The following SEMA6A variants were observed in gnomAD, a reference collection of about 807,000 sequenced individuals.
SEMA6A encodes semaphorin 6A.
In SEMA6A, 25 loss-of-function variants were observed where a neutral mutation model predicts 96.8. That is an observed-to-expected ratio of 0.26 (90% CI 0.19 to 0.36). SEMA6A has a LOEUF of 0.36. SEMA6A is among the 10% of genes least tolerant of loss of function. The probability of loss-of-function intolerance (pLI) is 1.00; values close to 1 mark genes in which losing one functional copy is unlikely to be tolerated. For synonymous variants in SEMA6A, 612 were observed against 518.0 expected, an observed-to-expected ratio of 1.18 and a Z score of -2.46; for missense variants, 1,363 against 1,323.1, an observed-to-expected ratio of 1.03 and a Z score of -0.47.
At chr5:116,452,268 A>G (rs1181501254) in intron 18 of SEMA6A, among the ~76,000 whole-genome samples, 3 of 152,226 alleles carry the variant, frequency 2.0e-5, no homozygotes, top group Non-Finnish European at 4.4e-5. Flanking sequence ...GCATTGATTC[A>G]TTAACCACCA....
At position 116,446,607 on chromosome 5, in the gene SEMA6A, C is replaced by A; in HGVS notation, c.*6G>T. ...TGGTTCGACACCTGACCCCCTCCCC[C>A]TGGGATTATGTACACGCATCATTGG... On this transcript the variant is annotated 3_prime_UTR_variant, in exon 19 of 19. Coordinates refer to ENST00000343348, the MANE Select transcript of SEMA6A (RefSeq NM_020796.5). 6.8e-7 allele frequency: 1 copy of A among 1,473,324 alleles called. No individual in the cohort carries two copies. Among genetic ancestry groups the A allele is most frequent in the Non-Finnish European group, 9.0e-7 (1 of 1,109,970 alleles). The allele number at this position is 1,473,324 out of a possible 1,614,324, so 91.3% of individuals were successfully genotyped here. A position where few individuals can be genotyped will look rare whatever the true frequency, so the allele number is the denominator to read the frequency against.
chr5:116,480,048 T>G, intron 12 of SEMA6A, 74 bp downstream of exon 12: 1 of 1,533,676 alleles, frequency 6.5e-7, no homozygotes, highest in Non-Finnish European at 8.9e-7. Flanking sequence ...TTTCAAAGCA[T>G]GATCCACTGA....
chr5:116,457,841 A>AGG (rs1755112984), intron 18 of SEMA6A, among the ~76,000 whole-genome samples: 2 of 152,152 alleles, frequency 1.3e-5, no homozygotes, highest in Admixed American at 6.6e-5. Context: ...GAGTTTATCT[A>AGG]TTACTTGCAT....
At chr5:116,533,123 A>C (rs950549974) in intron 1 of SEMA6A, among the ~76,000 whole-genome samples, 6 of 152,206 alleles carry the variant, frequency 3.9e-5, no homozygotes, top group Non-Finnish European at 7.4e-5. Flanking sequence ...TGTTAATTCA[A>C]ACTATGCAAA....
In SEMA6A at chr5:116,547,557, C is replaced by G. The variant is rs186056579; in HGVS notation, c.-39+26628G>C. On this transcript the variant is annotated intron_variant, in intron 1 of 18. Transcript: ENST00000343348. ...TTTTTAACTATTTCATTAATATTCT[C>G]TAAGTAACGTACTGGTTAAAGGCCT... Among the ~76,000 whole-genome samples, 380 of 147,086 alleles carry G rather than the reference C, an allele frequency of 2.6e-3. 1 individual carries two copies. Among genetic ancestry groups the G allele is most frequent in the African/African-American group, 9.2e-3 (365 of 39,488 alleles).
intron 3 of SEMA6A, chr5:116,498,817 C>G (rs1284417900): frequency 3.3e-5 from 5 of 152,126 alleles, no homozygotes; most frequent in Non-Finnish European, 5.9e-5. Context: ...TGAGATGACT[C>G]GAGGCTTTTC....
chr5:116,480,119 C>T lies in SEMA6A; in HGVS notation c.1250+3G>A. On this transcript the variant is annotated splice_donor_region_variant and intron_variant, in intron 12 of 18. Transcript: ENST00000343348. ...ATCAGGACACGGTTTGTTTGACACC[C>T]ACCTGACCATTGTTCTCAGGAACCA... The T allele has an allele frequency of 1.9e-6, 3 of 1,613,614 alleles. No individual in the cohort carries two copies. In the South Asian group the frequency reaches 3.3e-5, roughly 18 times the overall value.
chr5:116,498,314 C>T (rs1757702976), intron 3 of SEMA6A: 1 of 152,104 alleles, frequency 6.6e-6, no homozygotes, highest in African/African-American at 2.4e-5. Flanking sequence ...AAACCAGGAC[C>T]TCGTCTCCCA....
intron 18 of SEMA6A, chr5:116,449,291 A>G: frequency 1.4e-6 from 1 of 702,312 alleles, no homozygotes; most frequent in Non-Finnish European, 2.6e-6. Flanking sequence ...CCTATTATGG[A>G]AATGATAGCA....
At position 116,502,339 on chromosome 5, in the gene SEMA6A, G is replaced by A. The variant is rs763587821; in HGVS notation, c.101-12C>T. ...ATACTGTTTTGTATCTGTGAAAAGAGGAGATGGGGCAAGAAAGGAAAAGCA... is the reference window on the plus strand; with the variant it reads ...ATACTGTTTTGTATCTGTGAAAAGAAGAGATGGGGCAAGAAAGGAAAAGCA... On this transcript the variant is annotated splice_polypyrimidine_tract_variant and intron_variant, in intron 2 of 18. Coordinates refer to ENST00000343348, the MANE Select transcript of SEMA6A (RefSeq NM_020796.5). 79 of 1,610,560 alleles carry A rather than the reference G, an allele frequency of 4.9e-5. 1 individual carries two copies. The highest frequency in any genetic ancestry group is 6.4e-5 in the Non-Finnish European group (75 of 1,176,942).
rs1261607585 is a variant in SEMA6A, at chr5:116,496,176, A to G, written c.342+75T>C. 13 of 1,220,592 alleles carry G rather than the reference A, an allele frequency of 1.1e-5. No homozygotes were observed. In the Admixed American group the frequency reaches 1.4e-4, roughly 13 times the overall value. 75.6% of individuals were successfully genotyped at this position (1,220,592 alleles called of 1,614,324 possible). ...GAAAAAGCACAATCCATTCTACATC[A>G]CGGTCTATGGCTGGAGATAACAGTC... On this transcript the variant is annotated intron_variant, in intron 5 of 18. Transcript: ENST00000343348.
intron 1 of SEMA6A, among the ~76,000 whole-genome samples, chr5:116,558,169 G>T (rs1234507419): frequency 6.6e-6 from 1 of 151,986 alleles, no homozygotes; most frequent in Non-Finnish European, 1.5e-5. Context: ...TTTTCCTTTT[G>T]TTACTCAGCT....
intron 1 of SEMA6A, among the ~76,000 whole-genome samples, chr5:116,513,665 A>G (rs1758526746): frequency 6.7e-6 from 1 of 149,852 alleles, no homozygotes; most frequent in South Asian, 2.1e-4. Context: ...CAGGATGCTC[A>G]GGTTTGTTAC....
chr5:116,560,211 G>C (rs1454052984), intron 1 of SEMA6A, among the ~76,000 whole-genome samples: 1 of 152,160 alleles, frequency 6.6e-6, no homozygotes, highest in Non-Finnish European at 1.5e-5. Flanking sequence ...TGACCTCCCA[G>C]CTGGACAGAG....
intron 1 of SEMA6A, 30 bp from the exon 2 acceptor site, chr5:116,505,012 C>A: frequency 8.9e-7 from 1 of 1,121,478 alleles, no homozygotes; most frequent in Non-Finnish European, 1.3e-6. Flanking sequence ...AGATTTTTTT[C>A]CAAGTCAGCT....
Position 116,483,789 on chromosome 5 carries a change from C to T in SEMA6A, c.963-1214G>A, listed in dbSNP as rs554148072. Among the ~76,000 whole-genome samples the T allele has an allele frequency of 4.5e-3, 681 of 152,226 alleles. 2 individuals are homozygous for T. The highest frequency in any genetic ancestry group is 7.8e-3 in the Non-Finnish European group (528 of 68,006). ...GTGTATAAGACAGTGATAGGCCGGG[C>T]GAAGTGGCTCACGCCTATAATCCTG... On this transcript the variant is annotated intron_variant, in intron 10 of 18. Transcript: ENST00000343348.
chr5:116,516,624 T>C (rs62373563), intron 1 of SEMA6A, among the ~76,000 whole-genome samples: 1 of 152,226 alleles, frequency 6.6e-6, no homozygotes, highest in African/African-American at 2.4e-5. Context: ...TTTATCAGTT[T>C]GAATTGTGGT....
intron 16 of SEMA6A, among the ~76,000 whole-genome samples, chr5:116,473,750 C>G (rs907148346): frequency 4.6e-5 from 7 of 152,172 alleles, no homozygotes; most frequent in Non-Finnish European, 1.0e-4. Flanking sequence ...GAAATCCTCC[C>G]TGAATACCTA....
rs369225896 is a variant in SEMA6A at position 116,504,955 on chromosome 5, C to T, written c.-11G>A. Reference sequence around the variant, plus strand: ...GGCTTCTGACCTCATAGTAGTTCAGCGGGGAGACTTTATTTCTCTACTTCA... The same window carrying T: ...GGCTTCTGACCTCATAGTAGTTCAGTGGGGAGACTTTATTTCTCTACTTCA... On this transcript the variant is annotated 5_prime_UTR_variant, in exon 2 of 19. Coordinates refer to ENST00000343348, the MANE Select transcript of SEMA6A (RefSeq NM_020796.5). 6 of 1,561,406 alleles carry T rather than the reference C, an allele frequency of 3.8e-6. No homozygotes were observed. Among genetic ancestry groups the T allele is most frequent in the East Asian group, 2.3e-5 (1 of 42,920 alleles).
Sources: allele counts gnomAD v4.1 joint callset (sites outside exome capture counted in the v4.1 genomes callset), GRCh38; gene constraint gnomAD v4.1.1; transcripts MANE v1.5; gene names NCBI Gene and HGNC (gene_info 2026-07-23, HGNC 2026-07-21).